Variants in EFHD1 observed in about 807,000 individuals in gnomAD.
EFHD1 encodes the protein EF-hand domain family member D1.
EFHD1 carries 10 observed loss-of-function variants against 17.2 expected under a neutral mutation model. The ratio of observed to expected loss-of-function variants is 0.58; its 90% CI spans 0.36 to 0.99. The LOEUF (loss-of-function observed/expected upper bound fraction) is 0.99, where lower values mean the gene tolerates loss of function less well. EFHD1 is among the 50% of genes least tolerant of loss of function. EFHD1 has a pLI of 0.01. For missense variants in EFHD1, 310 were observed against 327.5 expected (o/e 0.95, Z 0.41); for synonymous variants, 153 against 142.0 (o/e 1.08, Z -0.55).
At chr2:232,679,484 G>A (rs1219566157) in intron 3 of EFHD1, among the ~76,000 whole-genome samples, 1 of 151,866 alleles carries the variant, frequency 6.6e-6, no homozygotes, top group East Asian at 1.9e-4. Context: ...AGAGGCTGAG[G>A]TGGGAGAATT....
intron 1 of EFHD1, among the ~76,000 whole-genome samples, chr2:232,623,033 CTTCTTTTCTT>C (rs371832405): frequency 1.5e-4 from 23 of 152,058 alleles, no homozygotes; most frequent in South Asian, 1.2e-3. Flanking sequence ...GAAAACTTTT[CTTCTTTTCTT>C]TTCTTTTCTT....
chr2:232,622,427 C>T (rs1419539422), intron 1 of EFHD1, among the ~76,000 whole-genome samples: 3 of 151,526 alleles, frequency 2.0e-5, no homozygotes, highest in Non-Finnish European at 4.4e-5. Flanking sequence ...TGAGATCATA[C>T]CACTGCACTC....
chr2:232,682,510 C>G lies in EFHD1; in HGVS notation c.*791C>G, dbSNP rs2106223869. 6.6e-6 allele frequency: 1 copy of G among 152,322 alleles called. No homozygotes were observed. Among genetic ancestry groups the G allele is most frequent in the Admixed American group, 6.5e-5 (1 of 15,292 alleles). The allele number at this position is 152,322 out of a possible 1,614,324, so 9.4% of individuals were successfully genotyped here. On this transcript the variant is annotated 3_prime_UTR_variant, in exon 4 of 4. Coordinates refer to ENST00000264059, the MANE Select transcript of EFHD1 (RefSeq NM_025202.4). ...CTCTGACTCTGTGCAAATTGTATTACAGTAGACCGCTGACGTTCCCAAGTG... is the reference window on the plus strand; with the variant it reads ...CTCTGACTCTGTGCAAATTGTATTAGAGTAGACCGCTGACGTTCCCAAGTG...
rs555743303 is a variant in EFHD1 at position 232,609,021 on chromosome 2, A to G, written c.14+2848A>G. Among the ~76,000 whole-genome samples the G allele has an allele frequency of 2.6e-3, 382 of 146,290 alleles. 1 individual carries two copies. The highest frequency in any genetic ancestry group is 3.1e-3 in the Non-Finnish European group (212 of 67,918). ...GATGAATCTCTTCTATTACAAGACC[A>G]AAAAAATGTTTAAAACATGAGATGC... On this transcript the variant is annotated intron_variant, in intron 1 of 3. Coordinates refer to the EFHD1 transcript ENST00000409613.
chr2:232,609,713 T>C (rs1183850156), intron 1 of EFHD1, among the ~76,000 whole-genome samples: 1 of 152,128 alleles, frequency 6.6e-6, no homozygotes, highest in Non-Finnish European at 1.5e-5. Flanking sequence ...AGCCCAGGCA[T>C]CTCCCTTGAT....
chr2:232,621,276 T>A (rs967158008), intron 1 of EFHD1, among the ~76,000 whole-genome samples: 1 of 151,944 alleles, frequency 6.6e-6, no homozygotes, highest in African/African-American at 2.4e-5. Context: ...ACACAGAGAA[T>A]CTCTGGTGGC....
intron 1 of EFHD1, among the ~76,000 whole-genome samples, chr2:232,645,171 G>T (rs140243566): frequency 1.3e-5 from 2 of 152,082 alleles, no homozygotes; most frequent in Non-Finnish European, 2.9e-5. Flanking sequence ...TTGGAGCTCA[G>T]ACCTGGGTTG....
At chr2:232,616,025 G>A (rs1475862671) in intron 1 of EFHD1, among the ~76,000 whole-genome samples, 2 of 152,090 alleles carry the variant, frequency 1.3e-5, no homozygotes, top group Non-Finnish European at 2.9e-5. Flanking sequence ...CATTGTTCCA[G>A]CCGTTTGTTG....
chr2:232,655,775 C>T (rs1418208826), intron 1 of EFHD1, among the ~76,000 whole-genome samples: 2 of 152,088 alleles, frequency 1.3e-5, no homozygotes, highest in Non-Finnish European at 2.9e-5. Flanking sequence ...TTGTTCCTTC[C>T]ACCCCTGTCC....
intron 1 of EFHD1, among the ~76,000 whole-genome samples, chr2:232,621,613 C>T (rs535828395): frequency 1.9e-4 from 29 of 152,146 alleles, no homozygotes; most frequent in East Asian, 3.9e-4. Flanking sequence ...CCACCATGCC[C>T]GGCTAATTTT....
At chr2:232,677,264 A>ACACACACACACAC (rs1559358074) in intron 3 of EFHD1, among the ~76,000 whole-genome samples, 1 of 52,946 alleles carries the variant, frequency 1.9e-5, no homozygotes, top group East Asian at 8.1e-4. Context: ...ATCTTTCTAT[A>ACACACACACACAC]ACACACACAT....
At chr2:232,650,435 C>T (rs1453161099) in intron 1 of EFHD1, among the ~76,000 whole-genome samples, 25 of 150,584 alleles carry the variant, frequency 1.7e-4, no homozygotes. Context: ...GCTGGGATTA[C>T]AGGCATGCGC....
At chr2:232,613,789 CA>C (rs1447710100) in intron 1 of EFHD1, among the ~76,000 whole-genome samples, 2 of 149,194 alleles carry the variant, frequency 1.3e-5, no homozygotes, top group African/African-American at 5.0e-5. Context: ...TATACACACA[CA>C]TATACACACA....
chr2:232,668,187 G>C (rs573965251), intron 2 of EFHD1, among the ~76,000 whole-genome samples: 1 of 152,346 alleles, frequency 6.6e-6, no homozygotes, highest in African/African-American at 2.4e-5. Context: ...GACAAACAAG[G>C]CTGGGCAGTT....
At chr2:232,639,187 G>A (rs1694377409) in intron 1 of EFHD1, among the ~76,000 whole-genome samples, 1 of 152,090 alleles carries the variant, frequency 6.6e-6, no homozygotes, top group African/African-American at 2.4e-5. Flanking sequence ...TTGTTACAGA[G>A]CCATCGAATT....
At position 232,681,915 on chromosome 2, in the gene EFHD1, A is replaced by T. The variant is rs949145195; in HGVS notation, c.*196A>T. 4.7e-5 allele frequency: 34 copies of T among 716,762 alleles called. No individual in the cohort carries two copies. Among genetic ancestry groups the T allele is most frequent in the Non-Finnish European group, 6.9e-5 (32 of 464,704 alleles). 44.4% of individuals were successfully genotyped at this position (716,762 alleles called of 1,614,324 possible). ...CCAGGAGGGTCCTGGGGTGGGCCAGATGCCTGCCCACCTCTGTCTCCTGCC... is the reference window on the plus strand; with the variant it reads ...CCAGGAGGGTCCTGGGGTGGGCCAGTTGCCTGCCCACCTCTGTCTCCTGCC... On this transcript the variant is annotated 3_prime_UTR_variant, in exon 4 of 4. Coordinates refer to ENST00000264059, the MANE Select transcript of EFHD1 (RefSeq NM_025202.4).
upstream of EFHD1, among the ~76,000 whole-genome samples, chr2:232,632,035 T>C (rs1694211700): frequency 6.6e-6 from 1 of 151,866 alleles, no homozygotes; most frequent in South Asian, 2.1e-4. Context: ...AATATAAAAT[T>C]AAAAAAAGTT....
chr2:232,679,777 G>A lies in EFHD1; in HGVS notation c.586-1808G>A, dbSNP rs139186996. ...GATAATATAATAACTGAATAGAAAC[G>A]TGGGCAAAGGATATAAATGGGCAAT... On this transcript the variant is annotated intron_variant, in intron 3 of 3. Coordinates refer to ENST00000264059, the MANE Select transcript of EFHD1 (RefSeq NM_025202.4). 7.9e-4 allele frequency among the ~76,000 whole-genome samples: 118 copies of A among 149,354 alleles called. 3 individuals carry two copies. The East Asian group carries it at 0.017, about 21-fold the overall frequency.
intron 1 of EFHD1, among the ~76,000 whole-genome samples, chr2:232,656,069 G>C (rs1367742144): frequency 6.6e-6 from 1 of 151,946 alleles, no homozygotes; most frequent in Non-Finnish European, 1.5e-5. Context: ...GCCTCCCAAA[G>C]TGCTGGGATT....
Sources: allele counts gnomAD v4.1 joint callset (sites outside exome capture counted in the v4.1 genomes callset), GRCh38; gene constraint gnomAD v4.1.1; transcripts MANE v1.5; gene names NCBI Gene and HGNC (gene_info 2026-07-23, HGNC 2026-07-21).